The following CREB5 variants were observed in gnomAD, a reference collection of about 807,000 sequenced individuals.
The protein encoded by CREB5 is cyclic AMP-responsive element-binding protein 5.
A neutral mutation model predicts 57.1 loss-of-function variants in CREB5; 19 were observed. The observed-to-expected ratio is 0.33, with a 90% CI of 0.23 to 0.49. The LOEUF is 0.49. Among genes scored for constraint, CREB5 ranks in the 20% least tolerant of loss-of-function variants. CREB5 has a pLI of 0.99. For synonymous variants in CREB5, 238 were observed against 238.3 expected, an observed-to-expected ratio of 1.00 and a Z score of 0.01; for missense variants, 579 against 671.6, an observed-to-expected ratio of 0.86 and a Z score of 1.52.
chr7:28,516,516 C>T (rs956644029), intron 4 of CREB5, among the ~76,000 whole-genome samples: 47 of 152,278 alleles, frequency 3.1e-4, no homozygotes, highest in Admixed American at 1.0e-3. Context: ...CCTGAAGCTC[C>T]GCAGGCACCG....
At chr7:28,714,665 G>A (rs528010089) in intron 5 of CREB5, among the ~76,000 whole-genome samples, 68 of 152,338 alleles carry the variant, frequency 4.5e-4, no homozygotes, top group Non-Finnish European at 7.3e-4. Flanking sequence ...AACACAGTCT[G>A]TCATCCTTGA....
At chr7:28,506,944 T>C (rs1168417138) in intron 3 of CREB5, among the ~76,000 whole-genome samples, 1 of 152,236 alleles carries the variant, frequency 6.6e-6, no homozygotes, top group Non-Finnish European at 1.5e-5. Context: ...AAGAAATTCT[T>C]TTCCTTTTAA....
chr7:28,409,224 C>T (rs1787664441), upstream of CREB5: 1 of 151,014 alleles, frequency 6.6e-6, no homozygotes, highest in African/African-American at 2.4e-5. This position sits in a 1 kb window ranked among gnomAD's most constrained non-coding sequence, Gnocchi z 4.4. Flanking sequence ...GGGGCGGGGC[C>T]TGCCCCCTCG....
rs561017314 is a variant in CREB5, at chr7:28,724,467, C to A, written c.702+135C>A. 636 of 681,256 alleles carry A rather than the reference C, an allele frequency of 9.3e-4. 5 individuals carry two copies. The highest frequency in any genetic ancestry group is 5.9e-3 in the South Asian group (328 of 55,804). The allele number at this position is 681,256 out of a possible 1,614,324, so 42.2% of individuals were successfully genotyped here. A position where few individuals can be genotyped will look rare whatever the true frequency, so the allele number is the denominator to read the frequency against. ...TGGTGAATGAAAGGCAGTGCAGAGA[C>A]TGCCTCTCTTTTTGAGGATGTTTGT... On this transcript the variant is annotated intron_variant, in intron 7 of 10. Transcript: ENST00000357727.
At chr7:28,701,304 T>A (rs1448082906) in intron 5 of CREB5, among the ~76,000 whole-genome samples, 1 of 152,212 alleles carries the variant, frequency 6.6e-6, no homozygotes, top group African/African-American at 2.4e-5. Context: ...TTCTAATGAT[T>A]TAAATGGCCC....
intron 1 of CREB5, among the ~76,000 whole-genome samples, chr7:28,395,193 A>G (rs747437280): frequency 6.6e-6 from 1 of 152,204 alleles, no homozygotes; most frequent in Non-Finnish European, 1.5e-5. Flanking sequence ...CAATCTCATC[A>G]TACTCTCAGA....
chr7:28,314,823 G>A (rs971299194), intron 1 of CREB5, among the ~76,000 whole-genome samples: 4 of 152,204 alleles, frequency 2.6e-5, no homozygotes, highest in African/African-American at 9.7e-5. Context: ...GAAGTATGTT[G>A]TAGAAAAGTG....
chr7:28,535,124 G>T (rs1315929643), intron 4 of CREB5, among the ~76,000 whole-genome samples: 1 of 141,878 alleles, frequency 7.0e-6, no homozygotes, highest in East Asian at 2.0e-4. Context: ...ATCTACACCG[G>T]CTCTTTAAGG....
At chr7:28,586,301 G>A (rs574545260) in intron 5 of CREB5, among the ~76,000 whole-genome samples, 1 of 152,338 alleles carries the variant, frequency 6.6e-6, no homozygotes, top group East Asian at 1.9e-4. Context: ...AGGAGGAGAA[G>A]GGGAGGAGGC....
intron 5 of CREB5, among the ~76,000 whole-genome samples, chr7:28,641,906 T>C (rs538083291): frequency 3.9e-5 from 6 of 152,318 alleles, no homozygotes; most frequent in African/African-American, 1.4e-4. Context: ...ATCTGTCTTT[T>C]GGGTCAAAAG....
intron 5 of CREB5, among the ~76,000 whole-genome samples, chr7:28,596,479 T>C (rs1369820716): frequency 6.6e-6 from 1 of 152,266 alleles, no homozygotes; most frequent in African/African-American, 2.4e-5. Context: ...GAGAAGCATC[T>C]CAATTGCTCA....
intron 4 of CREB5, among the ~76,000 whole-genome samples, chr7:28,541,810 T>G (rs1008269009): frequency 1.3e-5 from 2 of 152,224 alleles, no homozygotes; most frequent in African/African-American, 4.8e-5. Context: ...TTTATTCAAC[T>G]TTTTACTTAA....
chr7:28,563,749 G>C (rs1368008981), intron 4 of CREB5, among the ~76,000 whole-genome samples: 1 of 152,136 alleles, frequency 6.6e-6, no homozygotes, highest in Non-Finnish European at 1.5e-5. Flanking sequence ...AGTTTTCATA[G>C]CCCCCCTGTG....
intron 1 of CREB5, among the ~76,000 whole-genome samples, chr7:28,425,035 G>C (rs1788441680): frequency 1.3e-5 from 2 of 152,144 alleles, no homozygotes; most frequent in African/African-American, 4.8e-5. Context: ...GGGTTTGTTA[G>C]ATAGGTAAAT....
chr7:28,343,961 G>C (rs369287326), intron 1 of CREB5, among the ~76,000 whole-genome samples: 1 of 151,772 alleles, frequency 6.6e-6, no homozygotes, highest in Non-Finnish European at 1.5e-5. Context: ...TAGTGATATT[G>C]AGCATTTTTT....
At chr7:28,621,646 T>G (rs1235886134) in intron 5 of CREB5, among the ~76,000 whole-genome samples, 1 of 151,938 alleles carries the variant, frequency 6.6e-6, no homozygotes, top group African/African-American at 2.4e-5. Context: ...TTTAAAAGAG[T>G]GATAAATTTA....
intron 1 of CREB5, among the ~76,000 whole-genome samples, chr7:28,311,094 A>G (rs1226062898): frequency 1.4e-5 from 2 of 142,184 alleles, no homozygotes; most frequent in South Asian, 4.4e-4. Flanking sequence ...GGAGATCAAG[A>G]CTATCCTGGC....
chr7:28,473,833 C>T (rs1251537589), intron 1 of CREB5, among the ~76,000 whole-genome samples: 1 of 152,204 alleles, frequency 6.6e-6, no homozygotes, highest in African/African-American at 2.4e-5. Context: ...CTCATTGTCA[C>T]CTTTGGGTCC....
chr7:28,630,108 C>G (rs1056346752), intron 5 of CREB5, among the ~76,000 whole-genome samples: 4 of 152,210 alleles, frequency 2.6e-5, no homozygotes, highest in Non-Finnish European at 5.9e-5. Flanking sequence ...ACAGCCTGAA[C>G]TGTTCCTGAA....
Sources: allele counts gnomAD v4.1 joint callset (sites outside exome capture counted in the v4.1 genomes callset), GRCh38; gene constraint gnomAD v4.1.1; non-coding constraint Gnocchi (gnomAD v3.1); transcripts MANE v1.5; gene names NCBI Gene and HGNC (gene_info 2026-07-23, HGNC 2026-07-21).